Variants in SLCO3A1 observed in about 807,000 individuals in gnomAD.
SLCO3A1 encodes PGE1 transporter.
In SLCO3A1, 27 loss-of-function variants were observed where a neutral mutation model predicts 63.1. The ratio of observed to expected loss-of-function variants is 0.43; its 90% CI spans 0.32 to 0.59. The LOEUF (loss-of-function observed/expected upper bound fraction) is 0.59, where lower values mean the gene tolerates loss of function less well. SLCO3A1 is among the 20% of genes least tolerant of loss of function. The probability of loss-of-function intolerance (pLI) is 0.09; values close to 1 mark genes in which losing one functional copy is unlikely to be tolerated. For missense variants in SLCO3A1, 773 were observed against 945.8 expected (o/e 0.82, Z 2.40); for synonymous variants, 473 against 409.9 (o/e 1.15, Z -1.86).
Position 91,859,728 on chromosome 15 carries a change from A to C in SLCO3A1, c.180+5640A>C, listed in dbSNP as rs1234695661. On this transcript the variant is annotated intron_variant, in intron 1 of 9. Coordinates refer to ENST00000318445, the MANE Select transcript of SLCO3A1 (RefSeq NM_013272.4). This position sits in a 1 kb window ranked among gnomAD's most constrained non-coding sequence, Gnocchi z 5.1. ...CTGTGAGGATGAACTGAGTCAGTAC[A>C]TGTAAAGCACCTTGAACAATATCTG... Among the ~76,000 whole-genome samples the C allele has an allele frequency of 6.6e-6, 1 of 152,218 alleles. No individual in the cohort carries two copies. Among genetic ancestry groups the C allele is most frequent in the Non-Finnish European group, 1.5e-5 (1 of 68,038 alleles).
chr15:91,970,346 G>T (rs1300478692), intron 2 of SLCO3A1, among the ~76,000 whole-genome samples: 1 of 152,168 alleles, frequency 6.6e-6, no homozygotes, highest in Non-Finnish European at 1.5e-5. Flanking sequence ...TGGTGTGCTG[G>T]CCCCAAGCCT....
intron 2 of SLCO3A1, among the ~76,000 whole-genome samples, chr15:92,050,384 A>G (rs956303059): frequency 1.3e-5 from 2 of 152,198 alleles, no homozygotes; most frequent in Non-Finnish European, 2.9e-5. Flanking sequence ...CCTAGGGAAC[A>G]CATTTTCAGA....
intron 2 of SLCO3A1, among the ~76,000 whole-genome samples, chr15:92,025,310 C>G (rs1304751523): frequency 6.6e-6 from 1 of 151,978 alleles, no homozygotes; most frequent in Non-Finnish European, 1.5e-5. Context: ...GTAAGCCAAG[C>G]CAATCCCTCC....
chr15:91,859,176 A>G lies in SLCO3A1; in HGVS notation c.180+5088A>G, dbSNP rs1896993470. ...TTTGAAGGTGCGAAGGGACATTTCA[A>G]TGGTAACTTTGACTGTATGGTTGAC... On this transcript the variant is annotated intron_variant, in intron 1 of 9. Coordinates refer to ENST00000318445, the MANE Select transcript of SLCO3A1 (RefSeq NM_013272.4). This position sits in a 1 kb window ranked among gnomAD's most constrained non-coding sequence, Gnocchi z 5.1. 6.6e-6 allele frequency among the ~76,000 whole-genome samples: 1 copy of G among 152,230 alleles called. No individual in the cohort carries two copies. Among genetic ancestry groups the G allele is most frequent in the Admixed American group, 6.5e-5 (1 of 15,280 alleles).
At chr15:91,864,053 G>A (rs1371503241) in intron 1 of SLCO3A1, among the ~76,000 whole-genome samples, 2 of 152,218 alleles carry the variant, frequency 1.3e-5, no homozygotes, top group Non-Finnish European at 2.9e-5. Context: ...CAGATGGGGA[G>A]GTTCTCCTTG....
intron 2 of SLCO3A1, among the ~76,000 whole-genome samples, chr15:91,926,610 C>CGTGCG (rs1555450210): frequency 8.7e-6 from 1 of 114,364 alleles, no homozygotes; most frequent in African/African-American, 4.2e-5. Flanking sequence ...CGCGCGCACG[C>CGTGCG]CCATGCTTAT....
chr15:92,163,102 T>G lies in SLCO3A1; in HGVS notation c.2100T>G (p.His700Gln). The G allele has an allele frequency of 6.5e-7, 1 of 1,530,338 alleles. No homozygotes were observed. Among genetic ancestry groups the G allele is most frequent in the Non-Finnish European group, 8.8e-7 (1 of 1,140,852 alleles). The allele number at this position is 1,530,338 out of a possible 1,614,324, so 94.8% of individuals were successfully genotyped here. ...AGTTTATCTATAACCTGGAAGACCA[T>G]GAGTGGTGTGAAAACATGGAGTCCG... ...RTKFIYNLED[H>Q]EWCENMESVL Residue 700 changes from histidine (H) to glutamine (Q), a missense_variant, in exon 10 of 10, where the codon CAT becomes CAG. By Grantham distance (24) the His-to-Gln change is conservative. Coordinates refer to ENST00000318445, the MANE Select transcript of SLCO3A1 (RefSeq NM_013272.4).
intron 1 of SLCO3A1, among the ~76,000 whole-genome samples, chr15:91,904,464 A>G (rs1029523635): frequency 1.3e-5 from 2 of 152,162 alleles, no homozygotes; most frequent in African/African-American, 4.8e-5. Context: ...GGTTCCTCCT[A>G]GTAGACTGCA....
rs749820474 is a variant in SLCO3A1, at chr15:91,862,004, C to T, written c.180+7916C>T. Among the ~76,000 whole-genome samples, 1 of 152,026 alleles carries T rather than the reference C, an allele frequency of 6.6e-6. No individual in the cohort carries two copies. The highest frequency in any genetic ancestry group is 2.4e-5 in the African/African-American group (1 of 41,370). Reference sequence around the variant, plus strand: ...GGAAGAAGTGTGAACTCATCTTTCCCTTTTGCCCTCATGATTTCCTTTATA... The same window carrying T: ...GGAAGAAGTGTGAACTCATCTTTCCTTTTTGCCCTCATGATTTCCTTTATA... On this transcript the variant is annotated intron_variant, in intron 1 of 9. Coordinates refer to ENST00000318445, the MANE Select transcript of SLCO3A1 (RefSeq NM_013272.4). This position sits in a 1 kb window ranked among gnomAD's most constrained non-coding sequence, Gnocchi z 4.0.
At position 91,854,447 on chromosome 15, in the gene SLCO3A1, GC is replaced by G; in HGVS notation, c.180+360del. On this transcript the variant is annotated intron_variant, in intron 1 of 9. Transcript: ENST00000318445. The surrounding 1 kb of genome is among the most constrained non-coding windows in gnomAD (Gnocchi z 6.4). ...GTTCTCCTTGGAGAGGAACGAAAAA[GC>G]GTCGGGGTTTTCAGGTGACCTGCAC... is the stretch of plus-strand genomic sequence containing the variant. 1.1e-6 allele frequency: 1 copy of G among 946,810 alleles called. No homozygotes were observed. Among genetic ancestry groups the G allele is most frequent in the Non-Finnish European group, 1.3e-6 (1 of 786,762 alleles). The allele number at this position is 946,810 out of a possible 1,614,324, so 58.7% of individuals were successfully genotyped here.
intron 1 of SLCO3A1, among the ~76,000 whole-genome samples, chr15:91,876,670 T>A (rs1343917819): frequency 6.6e-6 from 1 of 152,168 alleles, no homozygotes; most frequent in Non-Finnish European, 1.5e-5. Flanking sequence ...TCTGGATAAG[T>A]GGTAGGTTCC....
intron 2 of SLCO3A1, among the ~76,000 whole-genome samples, chr15:91,966,738 C>T (rs556339688): frequency 9.2e-5 from 14 of 152,314 alleles, no homozygotes; most frequent in Middle Eastern, 3.4e-3. Context: ...TAGAATGTCT[C>T]AGCAGTGGAA....
chr15:92,061,952 G>C (rs982869641), intron 2 of SLCO3A1, among the ~76,000 whole-genome samples: 7 of 152,284 alleles, frequency 4.6e-5, no homozygotes, highest in African/African-American at 1.4e-4. Context: ...TGGCAGTCAC[G>C]CATCTGCCAC....
At chr15:91,952,186 A>G (rs1474691896) in intron 2 of SLCO3A1, among the ~76,000 whole-genome samples, 1 of 152,220 alleles carries the variant, frequency 6.6e-6, no homozygotes, top group Non-Finnish European at 1.5e-5. Flanking sequence ...GCCTGTTCTC[A>G]TCACATCCTT....
Position 92,104,520 on chromosome 15 carries a change from C to G in SLCO3A1, c.987C>G (p.Ala329=), listed in dbSNP as rs761404865. The G allele has an allele frequency of 1.2e-6, 2 of 1,613,792 alleles. No individual in the cohort carries two copies. Among genetic ancestry groups the G allele is most frequent in the African/African-American group, 2.7e-5 (2 of 75,034 alleles). ...ACCCCCTGGAGCCAGACAGCAGTGCCTCCTGTTTCCAGCAGCTGAGAGGTA... is the reference window on the plus strand; with the variant it reads ...ACCCCCTGGAGCCAGACAGCAGTGCGTCCTGTTTCCAGCAGCTGAGAGGTA... The part of the protein sequence containing the change: ...LRHPLEPDSS[A]SCFQQLRVIP... The change falls in exon 4 of 10, where the codon GCC becomes GCG. Residue 329 remains alanine, a synonymous_variant. Transcript: ENST00000318445.
At chr15:91,891,060 C>T (rs1897856658) in intron 1 of SLCO3A1, among the ~76,000 whole-genome samples, 1 of 151,108 alleles carries the variant, frequency 6.6e-6, no homozygotes, top group Non-Finnish European at 1.5e-5. Flanking sequence ...TTTTATTTAA[C>T]TCATTAATGA....
downstream of SLCO3A1, among the ~76,000 whole-genome samples, chr15:92,169,539 A>G (rs973453859): frequency 6.6e-6 from 1 of 152,214 alleles, no homozygotes; most frequent in Admixed American, 6.5e-5. Context: ...ATTGATGTGA[A>G]GTATTTTACC....
rs73532456 is a variant in SLCO3A1 at position 91,964,810 on chromosome 15, C to T, written c.646+48352C>T. 6.6e-3 allele frequency among the ~76,000 whole-genome samples: 1,002 copies of T among 151,868 alleles called. 10 individuals are homozygous for T. The highest frequency in any genetic ancestry group is 0.023 in the African/African-American group (963 of 41,392). ...TATTTCCTTGGATACCTCCCTTTTG[C>T]GATGAAGAAGTGGCAGCTCACAGAA... On this transcript the variant is annotated intron_variant, in intron 2 of 9. Coordinates refer to ENST00000318445, the MANE Select transcript of SLCO3A1 (RefSeq NM_013272.4).
At chr15:91,973,522 T>G (rs1900965802) in intron 2 of SLCO3A1, among the ~76,000 whole-genome samples, 1 of 152,204 alleles carries the variant, frequency 6.6e-6, no homozygotes, top group Admixed American at 6.5e-5. Flanking sequence ...TCTGAGTGTC[T>G]AAAATCATGG....
Sources: gnomAD v4.1 joint callset for allele counts (sites outside exome capture counted in the v4.1 genomes callset) on GRCh38, gnomAD v4.1.1 for gene constraint, Gnocchi (gnomAD v3.1) non-coding constraint, MANE v1.5 for transcripts, NCBI Gene and HGNC (gene_info 2026-07-23, HGNC 2026-07-21) for gene names.